Variants in ZMAT4 observed in about 807,000 individuals in gnomAD.
ZMAT4 encodes zinc finger matrin-type protein 4.
In ZMAT4, 17 loss-of-function variants were observed where a neutral mutation model predicts 28.7. The ratio of observed to expected loss-of-function variants is 0.59; its 90% CI spans 0.41 to 0.89. The LOEUF is 0.89. Among genes scored for constraint, ZMAT4 ranks in the 40% least tolerant of loss-of-function variants. ZMAT4 has a pLI of 0.00. For missense variants in ZMAT4, 240 were observed against 283.8 expected (o/e 0.85, Z 1.11); for synonymous variants, 117 against 109.2 (o/e 1.07, Z -0.44).
At chr8:40,762,099 A>G (rs1812965803) in intron 3 of ZMAT4, among the ~76,000 whole-genome samples, 1 of 152,172 alleles carries the variant, frequency 6.6e-6, no homozygotes, top group Non-Finnish European at 1.5e-5. Flanking sequence ...ACCACTTGAG[A>G]AGACAAGGGG....
At chr8:40,633,701 G>C (rs1440322190) in intron 5 of ZMAT4, among the ~76,000 whole-genome samples, 1 of 152,142 alleles carries the variant, frequency 6.6e-6, no homozygotes, top group Non-Finnish European at 1.5e-5. Flanking sequence ...GTTTGAGTCT[G>C]ACTGGGAGCT....
chr8:40,752,459 A>G (rs1022787304), intron 3 of ZMAT4, among the ~76,000 whole-genome samples: 1 of 152,182 alleles, frequency 6.6e-6, no homozygotes, highest in Non-Finnish European at 1.5e-5. Flanking sequence ...TCTTCATGCA[A>G]CTTCACTCCT....
intron 3 of ZMAT4, among the ~76,000 whole-genome samples, chr8:40,746,406 G>A (rs1423445674): frequency 1.6e-5 from 2 of 124,668 alleles, no homozygotes; most frequent in Admixed American, 9.2e-5. Flanking sequence ...CTCTCTTGCC[G>A]AGGCTGGAGT....
At chr8:40,770,426 G>C (rs549142436) in intron 2 of ZMAT4, among the ~76,000 whole-genome samples, 1 of 152,086 alleles carries the variant, frequency 6.6e-6, no homozygotes, top group African/African-American at 2.4e-5. Context: ...AGCTTGCCCT[G>C]CCTCCAACCT....
intron 2 of ZMAT4, chr8:40,786,568 C>T: frequency 1.5e-6 from 1 of 648,414 alleles, no homozygotes; most frequent in Middle Eastern, 4.0e-4. Flanking sequence ...GTTATTGCTA[C>T]CAAAACAAAG....
chr8:40,686,283 G>A (rs141931451), intron 4 of ZMAT4, among the ~76,000 whole-genome samples: 3 of 152,208 alleles, frequency 2.0e-5, no homozygotes, highest in African/African-American at 7.2e-5. Context: ...GGGAGGCTGA[G>A]GTGGGAAGAT....
intron 3 of ZMAT4, among the ~76,000 whole-genome samples, chr8:40,723,841 C>A (rs1017017445): frequency 6.6e-6 from 1 of 152,238 alleles, no homozygotes; most frequent in African/African-American, 2.4e-5. Flanking sequence ...GAGAGGGGGA[C>A]TGTGTCCCCT....
chr8:40,666,606 G>GA (rs1309527350), intron 5 of ZMAT4, among the ~76,000 whole-genome samples: 2 of 152,050 alleles, frequency 1.3e-5, no homozygotes, highest in African/African-American at 4.8e-5. Context: ...AAGTTATGTG[G>GA]AAGTCACAGG....
intron 3 of ZMAT4, among the ~76,000 whole-genome samples, chr8:40,713,745 C>A (rs1258022542): frequency 2.0e-5 from 3 of 151,496 alleles, no homozygotes; most frequent in African/African-American, 7.3e-5. Flanking sequence ...CCGGCGTCTA[C>A]TAAAAACACA....
intron 6 of ZMAT4, among the ~76,000 whole-genome samples, chr8:40,572,257 A>G (rs1804122541): frequency 6.6e-6 from 1 of 152,188 alleles, no homozygotes; most frequent in African/African-American, 2.4e-5. Flanking sequence ...CATTCATTCA[A>G]GTACTTCCCA....
chr8:40,625,772 G>A (rs1453096599), intron 5 of ZMAT4, among the ~76,000 whole-genome samples: 1 of 152,102 alleles, frequency 6.6e-6, no homozygotes, highest in Non-Finnish European at 1.5e-5. Flanking sequence ...ATTTAAGGGA[G>A]AGGTTGGAGC....
At chr8:40,587,438 T>G (rs560184119) in intron 5 of ZMAT4, among the ~76,000 whole-genome samples, 1 of 152,312 alleles carries the variant, frequency 6.6e-6, no homozygotes, top group Non-Finnish European at 1.5e-5. Flanking sequence ...CACTGTATTG[T>G]GTATTATGCT....
At chr8:40,567,910 G>A (rs1454287889) in intron 6 of ZMAT4, among the ~76,000 whole-genome samples, 1 of 152,032 alleles carries the variant, frequency 6.6e-6, no homozygotes, top group African/African-American at 2.4e-5. Flanking sequence ...TGAATATTGA[G>A]ATTAGCCAGA....
At chr8:40,671,432 G>C (rs1348891296) in intron 5 of ZMAT4, among the ~76,000 whole-genome samples, 1 of 151,952 alleles carries the variant, frequency 6.6e-6, no homozygotes, top group African/African-American at 2.4e-5. Flanking sequence ...TCAATGAATA[G>C]AGTGGATAGA....
chr8:40,856,611 A>G (rs775118154), intron 1 of ZMAT4, among the ~76,000 whole-genome samples: 8 of 152,302 alleles, frequency 5.3e-5, no homozygotes, highest in Middle Eastern at 3.4e-3. Flanking sequence ...AAGCCAGGAG[A>G]CATCAACCCT....
chr8:40,781,754 T>G (rs1172966552), intron 2 of ZMAT4, among the ~76,000 whole-genome samples: 6 of 60,026 alleles, frequency 1.0e-4, no homozygotes, highest in African/African-American at 3.6e-4. Context: ...AGAGCGAGAC[T>G]CCGTCTCAAA....
At chr8:40,765,015 G>A (rs1188804716) in intron 3 of ZMAT4, among the ~76,000 whole-genome samples, 1 of 151,570 alleles carries the variant, frequency 6.6e-6, no homozygotes, top group Admixed American at 6.6e-5. Flanking sequence ...AAAAAAAATT[G>A]TAGACACAGG....
At chr8:40,887,449 A>T (rs529965903) in intron 1 of ZMAT4, among the ~76,000 whole-genome samples, 1 of 151,318 alleles carries the variant, frequency 6.6e-6, no homozygotes, top group East Asian at 1.9e-4. Context: ...AGATTGTACC[A>T]CTGCACTCCA....
intron 1 of ZMAT4, among the ~76,000 whole-genome samples, chr8:40,843,745 G>C (rs1816782289): frequency 6.6e-6 from 1 of 152,164 alleles, no homozygotes; most frequent in South Asian, 2.1e-4. Flanking sequence ...TCCACTCTCT[G>C]CAGAATGTGT....
Sources: gnomAD v4.1 joint callset for allele counts (sites outside exome capture counted in the v4.1 genomes callset) on GRCh38, gnomAD v4.1.1 for gene constraint, MANE v1.5 for transcripts, NCBI Gene and HGNC (gene_info 2026-07-23, HGNC 2026-07-21) for gene names.